The following OR1J2 variants were observed in gnomAD, a reference collection of about 807,000 sequenced individuals.
The protein encoded by OR1J2 is olfactory receptor family 1 subfamily J member 2.
For synonymous variants in OR1J2, 142 were observed against 99.7 expected (o/e 1.42, Z -2.52); for missense variants, 304 against 246.1 (o/e 1.24, Z -1.57).
chr9:122,530,148 G>C, the OR1J2 span, among the ~76,000 whole-genome samples: 1 of 152,164 alleles, frequency 6.6e-6, no homozygotes, highest in South Asian at 2.1e-4. Flanking sequence ...GATGAATAAA[G>C]GACTGTAAAG....
chr9:122,536,196 C>T, the OR1J2 span, among the ~76,000 whole-genome samples: 1 of 152,182 alleles, frequency 6.6e-6, no homozygotes, highest in African/African-American at 2.4e-5. Context: ...AATGAACTTT[C>T]TGTGTAAATG....
chr9:122,522,583 A>ATGTGTG, the OR1J2 span, among the ~76,000 whole-genome samples: 5,529 of 150,818 alleles, frequency 0.037, 328 homozygotes, highest in East Asian at 0.29. Flanking sequence ...AACTGTGTGC[A>ATGTGTG]TGTGTGTGTG....
At chr9:122,577,795 T>G in the OR1J2 span, among the ~76,000 whole-genome samples, 1 of 152,244 alleles carries the variant, frequency 6.6e-6, no homozygotes, top group Non-Finnish European at 1.5e-5. Flanking sequence ...CAAACATATC[T>G]GAAGAAAAAT....
chr9:122,488,214 T>C, the OR1J2 span, among the ~76,000 whole-genome samples: 1 of 152,222 alleles, frequency 6.6e-6, no homozygotes, highest in Non-Finnish European at 1.5e-5. Flanking sequence ...CTCAGCTCAC[T>C]GCAACCTCTG....
chr9:122,566,406 C>T, the OR1J2 span, among the ~76,000 whole-genome samples: 6 of 152,174 alleles, frequency 3.9e-5, no homozygotes, highest in Non-Finnish European at 7.3e-5. Context: ...TCCATTCTTA[C>T]CCCAGTGGCT....
At chr9:122,519,378 A>G in the OR1J2 span, 37 of 1,614,134 alleles carry the variant, frequency 2.3e-5, no homozygotes, top group African/African-American at 4.5e-4. Flanking sequence ...CACTGTCCCA[A>G]AGATGTTATT....
At chr9:122,487,458 AACAC>A in the OR1J2 span, among the ~76,000 whole-genome samples, 379 of 148,810 alleles carry the variant, frequency 2.5e-3, 2 homozygotes, top group Middle Eastern at 6.9e-3. Context: ...GGAGATGATT[AACAC>A]ACACACACAC....
the OR1J2 span, among the ~76,000 whole-genome samples, chr9:122,478,189 T>C: frequency 1.3e-5 from 2 of 152,256 alleles, no homozygotes; most frequent in Admixed American, 6.5e-5. Context: ...TGTTTTTTAA[T>C]ACACTGTTCC....
At chr9:122,544,324 A>G in the OR1J2 span, among the ~76,000 whole-genome samples, 1 of 151,826 alleles carries the variant, frequency 6.6e-6, no homozygotes, top group African/African-American at 2.4e-5. Flanking sequence ...TCAAATTACA[A>G]TATCTGCACT....
chr9:122,506,753 G>C (rs1588187369), upstream of OR1J2, among the ~76,000 whole-genome samples: 1 of 152,238 alleles, frequency 6.6e-6, no homozygotes, highest in East Asian at 1.9e-4. Context: ...CAGAGGAAGA[G>C]AGAGAAGGAA....
At chr9:122,553,541 T>C in the OR1J2 span, 3 of 1,614,042 alleles carry the variant, frequency 1.9e-6, no homozygotes, top group Admixed American at 5.0e-5. Flanking sequence ...TCCTTATGTT[T>C]GGTGGCCTTG....
At chr9:122,517,221 A>T in the OR1J2 span, among the ~76,000 whole-genome samples, 3 of 152,154 alleles carry the variant, frequency 2.0e-5, no homozygotes, top group East Asian at 1.9e-4. Flanking sequence ...GGCTAATTGC[A>T]ATGCTTTTGT....
the OR1J2 span, among the ~76,000 whole-genome samples, chr9:122,563,155 C>T: frequency 6.7e-6 from 1 of 149,894 alleles, no homozygotes; most frequent in Middle Eastern, 3.2e-3. Context: ...AAGTGCTCCC[C>T]TTTCTCCACA....
the OR1J2 span, among the ~76,000 whole-genome samples, chr9:122,530,697 GAA>G: frequency 1.3e-5 from 2 of 152,158 alleles, no homozygotes; most frequent in Non-Finnish European, 2.9e-5. Context: ...GGCTGAGTCC[GAA>G]AAGAGAGTCA....
chr9:122,519,790 C>T, the OR1J2 span: 1 of 1,614,206 alleles, frequency 6.2e-7, no homozygotes, highest in Non-Finnish European at 8.5e-7. Context: ...ATCTTGATCT[C>T]TTATGGCCAC....
At chr9:122,543,172 A>G in the OR1J2 span, among the ~76,000 whole-genome samples, 1 of 152,264 alleles carries the variant, frequency 6.6e-6, no homozygotes, top group African/African-American at 2.4e-5. Flanking sequence ...TTACATTTCT[A>G]CCAGCACTAT....
At position 122,511,061 on chromosome 9, in the gene OR1J2, C is replaced by T. The variant is rs1564183376; in HGVS notation, c.260C>T (p.Thr87Ile). The T allele has an allele frequency of 7.1e-7, 1 of 1,405,786 alleles. No homozygotes were observed. The allele number at this position is 1,405,786 out of a possible 1,614,324, so 87.1% of individuals were successfully genotyped here. ...TVPKMLMDMR[T>I]KYKSILYEEC... ...CCTAAGATGCTGATGGACATGCGGA[C>T]TAAGTACAAATCGATCCTCTATGAG... Residue 87 changes from threonine (T) to isoleucine (I), a missense_variant, in exon 1 of 1, where the codon ACT becomes ATT. By Grantham distance (89) the Thr-to-Ile change is moderately conservative (BLOSUM62 -1). Transcript: ENST00000335302.
chr9:122,566,103 G>A, the OR1J2 span, among the ~76,000 whole-genome samples: 4 of 152,324 alleles, frequency 2.6e-5, no homozygotes, highest in South Asian at 8.3e-4. Flanking sequence ...TAATATAGAT[G>A]TATCTTTAAA....
chr9:122,465,167 A>G, the OR1J2 span, among the ~76,000 whole-genome samples: 4 of 152,302 alleles, frequency 2.6e-5, no homozygotes, highest in East Asian at 7.7e-4. Flanking sequence ...CAAACAGCCA[A>G]ATTACCACTA....
Sources: allele counts gnomAD v4.1 joint callset (sites outside exome capture counted in the v4.1 genomes callset), GRCh38; gene constraint gnomAD v4.1.1; transcripts MANE v1.5; gene names NCBI Gene and HGNC (gene_info 2026-07-23, HGNC 2026-07-21).